ADAMTS12: variants seen among roughly 807,000 people sequenced by gnomAD.
The protein encoded by ADAMTS12 is ADAM metallopeptidase with thrombospondin type 1 motif 12, also known as A disintegrin and metalloproteinase with thrombospondin motifs 12.
Under a neutral mutation model 167.8 loss-of-function variants are expected in ADAMTS12, and 118 were observed. That is an observed-to-expected ratio of 0.70 (90% CI 0.61 to 0.82). The LOEUF is 0.82. ADAMTS12 is among the 40% of genes least tolerant of loss of function. The pLI is 0.00. For missense variants in ADAMTS12, 1,916 were observed against 1,998.8 expected (o/e 0.96, Z 0.79); for synonymous variants, 704 against 716.9 (o/e 0.98, Z 0.29).
At chr5:33,649,076 C>T in intron 8 of ADAMTS12, 110 bp from the exon 9 acceptor site, 3 of 1,364,404 alleles carry the variant, frequency 2.2e-6, no homozygotes, top group Non-Finnish European at 3.0e-6. Flanking sequence ...TTTAAGACAA[C>T]TTTATTTTTT....
At chr5:33,533,857 T>C (rs544435365) in intron 23 of ADAMTS12, among the ~76,000 whole-genome samples, 58 of 152,266 alleles carry the variant, frequency 3.8e-4, no homozygotes, top group Middle Eastern at 3.4e-3. Flanking sequence ...AAAGCTCCTG[T>C]TGGGCTTCCT....
At chr5:33,652,075 C>T (rs1404026359) in intron 7 of ADAMTS12, among the ~76,000 whole-genome samples, 1 of 152,108 alleles carries the variant, frequency 6.6e-6, no homozygotes, top group Admixed American at 6.6e-5. Flanking sequence ...GTGAATAGTG[C>T]TGCAATAAAC....
chr5:33,611,765 A>G (rs1173343528), intron 16 of ADAMTS12, among the ~76,000 whole-genome samples: 1 of 152,220 alleles, frequency 6.6e-6, no homozygotes, highest in African/African-American at 2.4e-5. Context: ...TAAAATTGAT[A>G]GCTATGAAGA....
chr5:33,821,512 G>GT (rs1490505386), intron 2 of ADAMTS12, among the ~76,000 whole-genome samples: 1 of 152,094 alleles, frequency 6.6e-6, no homozygotes, highest in African/African-American at 2.4e-5. Flanking sequence ...AAATTATAAT[G>GT]TTTTAGGTCA....
intron 2 of ADAMTS12, among the ~76,000 whole-genome samples, chr5:33,827,497 T>G (rs1322983007): frequency 6.6e-6 from 1 of 152,144 alleles, no homozygotes; most frequent in African/African-American, 2.4e-5. Flanking sequence ...CCTACGGAAT[T>G]GTAAGCTAAT....
chr5:33,549,509 C>T (rs1745152506), intron 20 of ADAMTS12, 126 bp from the exon 21 acceptor site: 2 of 1,124,630 alleles, frequency 1.8e-6, no homozygotes, highest in Non-Finnish European at 2.5e-6. Flanking sequence ...TTCCGGTGAA[C>T]CCTGCTTTCC....
At chr5:33,748,293 G>A (rs975058809) in intron 3 of ADAMTS12, among the ~76,000 whole-genome samples, 16 of 152,136 alleles carry the variant, frequency 1.1e-4, no homozygotes, top group Admixed American at 8.5e-4. Flanking sequence ...ATTTCCCCTG[G>A]ATTTAATTCA....
intron 5 of ADAMTS12, among the ~76,000 whole-genome samples, chr5:33,673,797 C>T (rs536936080): frequency 2.0e-5 from 3 of 152,298 alleles, no homozygotes; most frequent in Non-Finnish European, 4.4e-5. Context: ...AGATCTCCCT[C>T]ACATACTCCC....
At chr5:33,885,999 G>C (rs1345098983) in intron 1 of ADAMTS12, among the ~76,000 whole-genome samples, 7 of 152,304 alleles carry the variant, frequency 4.6e-5, no homozygotes, top group African/African-American at 1.7e-4. Flanking sequence ...GAGTGTGGCG[G>C]AAGCAAACTT....
chr5:33,660,023 T>C (rs1376464683), intron 6 of ADAMTS12, among the ~76,000 whole-genome samples: 1 of 152,160 alleles, frequency 6.6e-6, no homozygotes, highest in Non-Finnish European at 1.5e-5. Context: ...AGGCCAGATA[T>C]GCTGCTAAAT....
chr5:33,677,009 G>A (rs1741938142), intron 5 of ADAMTS12, among the ~76,000 whole-genome samples: 1 of 152,096 alleles, frequency 6.6e-6, no homozygotes, highest in African/African-American at 2.4e-5. Context: ...CTCCTCCACT[G>A]GATGGCATAG....
At chr5:33,881,080 G>A (rs1464129189) in intron 2 of ADAMTS12, 39 bp downstream of exon 2, 15 of 1,598,352 alleles carry the variant, frequency 9.4e-6, no homozygotes, top group Non-Finnish European at 1.1e-5. Context: ...GACTCTAGGG[G>A]CCAGGGCAGA....
At chr5:33,750,454 T>A (rs1744933981) in intron 3 of ADAMTS12, among the ~76,000 whole-genome samples, 1 of 152,176 alleles carries the variant, frequency 6.6e-6, no homozygotes, top group Non-Finnish European at 1.5e-5. Context: ...TTTGCAAAGC[T>A]CCAGTTCTGA....
intron 2 of ADAMTS12, among the ~76,000 whole-genome samples, chr5:33,841,338 G>A (rs954060173): frequency 6.6e-6 from 1 of 152,162 alleles, no homozygotes; most frequent in African/African-American, 2.4e-5. Context: ...TTCTCACTGT[G>A]CTGTCAGCTT....
At chr5:33,586,975 C>G (rs539672287) in intron 18 of ADAMTS12, among the ~76,000 whole-genome samples, 5 of 150,876 alleles carry the variant, frequency 3.3e-5, no homozygotes, top group African/African-American at 9.7e-5. Flanking sequence ...TTTTCTTTTT[C>G]TTTTCTGGAT....
At chr5:33,585,879 C>T (rs1747321410) in intron 18 of ADAMTS12, among the ~76,000 whole-genome samples, 1 of 152,106 alleles carries the variant, frequency 6.6e-6, no homozygotes, top group African/African-American at 2.4e-5. Context: ...ACCAACCTGG[C>T]ACGGCTGAGC....
chr5:33,650,113 A>G (rs1331091808), intron 7 of ADAMTS12, among the ~76,000 whole-genome samples: 2 of 152,218 alleles, frequency 1.3e-5, no homozygotes, highest in African/African-American at 4.8e-5. Context: ...AGAATTTAAG[A>G]GACAGCATGA....
At chr5:33,820,421 G>A (rs1297767965) in intron 2 of ADAMTS12, among the ~76,000 whole-genome samples, 1 of 152,156 alleles carries the variant, frequency 6.6e-6, no homozygotes, top group African/African-American at 2.4e-5. Context: ...GGACCTCTTA[G>A]AAGAACTTTA....
rs1184903613 is a variant in ADAMTS12 at position 33,576,578 on chromosome 5, C to T, written c.3448G>A (p.Gly1150Ser). ...VTPFYNTLTK[G>S]PEMEIHSGSG... ...CCACTGTGAATCTCCATTTCTGGAC[C>T]TTTGGTCAAGGTATTGTAAAATGGA... Residue 1150 changes from glycine (G) to serine (S), a missense_variant, in exon 19 of 24, where the codon GGT (glycine) becomes AGT (serine). By Grantham distance (56) the Gly-to-Ser change is moderately conservative. Coordinates refer to ENST00000504830, the MANE Select transcript of ADAMTS12 (RefSeq NM_030955.4). 5 of 1,614,074 alleles carry T rather than the reference C, an allele frequency of 3.1e-6. No individual in the cohort carries two copies. The highest frequency in any genetic ancestry group is 4.5e-5 in the East Asian group (2 of 44,894).
Sources: gnomAD v4.1 joint callset for allele counts (sites outside exome capture counted in the v4.1 genomes callset) on GRCh38, gnomAD v4.1.1 for gene constraint, MANE v1.5 for transcripts, NCBI Gene and HGNC (gene_info 2026-07-23, HGNC 2026-07-21) for gene names.